AGRN: variants seen among roughly 807,000 people sequenced by gnomAD.
AGRN encodes agrin, also known as agrin proteoglycan.
In AGRN, 106 loss-of-function variants were observed where a neutral mutation model predicts 211.0. The observed-to-expected ratio is 0.50, with a 90% CI of 0.43 to 0.59. The LOEUF (loss-of-function observed/expected upper bound fraction) is 0.59. Ranked by LOEUF, AGRN falls within the 20% of genes least tolerant of loss-of-function variation. The probability of loss-of-function intolerance (pLI) is 0.00; values close to 1 mark genes in which losing one functional copy is unlikely to be tolerated. For missense variants in AGRN, 3,040 were observed against 2,982.6 expected, an observed-to-expected ratio of 1.02 and a Z score of -0.45; for synonymous variants, 1,525 against 1,332.5, an observed-to-expected ratio of 1.14 and a Z score of -3.15.
Position 1,043,449 on chromosome 1 carries a change from G to C in AGRN, c.1595G>C (p.Gly532Ala). Reference protein sequence around the residue: ...LGREIQVARKGPCDRCGQCRF... With the variant: ...LGREIQVARKAPCDRCGQCRF... Reference sequence around the variant, plus strand: ...CGGGAGATCCAGGTGGCGCGCAAAGGACCCTGTGGTCAGTGGCGGGTGAGG... The same window carrying C: ...CGGGAGATCCAGGTGGCGCGCAAAGCACCCTGTGGTCAGTGGCGGGTGAGG... The change falls in exon 8 of 36, where the codon GGA becomes GCA. Residue 532 changes from glycine (G) to alanine (A), a missense_variant. Physicochemically the swap from Gly to Ala is moderately conservative, Grantham distance 60. Coordinates refer to ENST00000379370, the MANE Select transcript of AGRN (RefSeq NM_198576.4). The C allele has an allele frequency of 6.2e-7, 1 of 1,606,728 alleles. No individual in the cohort carries two copies. The highest frequency in any genetic ancestry group is 8.5e-7 in the Non-Finnish European group (1 of 1,179,132).
At position 1,045,957 on chromosome 1, in the gene AGRN, G is replaced by A. The variant is rs1557709524; in HGVS notation, c.2681-7G>A. ...AGCCACAGAGGTTTCCCATGCCCGT[G>A]CCCCAGACGCTTCTGCGCCTGCGAC... On this transcript the variant is annotated splice_polypyrimidine_tract_variant and splice_region_variant and intron_variant, in intron 15 of 35. Coordinates refer to ENST00000379370, the MANE Select transcript of AGRN (RefSeq NM_198576.4). 2 of 1,613,378 alleles carry A rather than the reference G, an allele frequency of 1.2e-6. No individual in the cohort carries two copies. The highest frequency in any genetic ancestry group is 8.5e-7 in the Non-Finnish European group (1 of 1,180,004).
intron 33 of AGRN, 117 bp downstream of exon 33, chr1:1,051,932 C>T: frequency 6.5e-7 from 1 of 1,549,254 alleles, no homozygotes; most frequent in Non-Finnish European, 8.7e-7. Flanking sequence ...CCTCTGTCCT[C>T]CCGCCTCTCT....
At position 1,041,169 on chromosome 1, in the gene AGRN, G is replaced by T. The variant is rs1417556061; in HGVS notation, c.728-4G>T. 7.1e-7 allele frequency: 1 copy of T among 1,401,184 alleles called. No homozygotes were observed. The highest frequency in any genetic ancestry group is 3.2e-5 in the East Asian group (1 of 31,110). 86.8% of individuals were successfully genotyped at this position (1,401,184 alleles called of 1,614,324 possible). On this transcript the variant is annotated splice_region_variant and splice_polypyrimidine_tract_variant and intron_variant, in intron 4 of 35. Transcript: ENST00000379370. ...CCGTCTGACCGGCAAAGCCCCGCCC[G>T]CAGGCTCGCGGGACCCCTGCTCCAA...
At position 1,034,164 on chromosome 1, in the gene AGRN, G is replaced by A. The variant is rs1163555470; in HGVS notation, c.464-1113G>A. 11 of 985,164 alleles carry A rather than the reference G, an allele frequency of 1.1e-5. No individual in the cohort carries two copies. In the South Asian group the frequency reaches 1.9e-4, roughly 17 times the overall value. 61.0% of individuals were successfully genotyped at this position (985,164 alleles called of 1,614,324 possible). ...GGGACGGGGACAGCAGACCCTCGGC[G>A]CCCGGCCCCCGCGCACCTGCCGCGC... is the stretch of plus-strand genomic sequence containing the variant. On this transcript the variant is annotated intron_variant, in intron 2 of 35. Coordinates refer to ENST00000379370, the MANE Select transcript of AGRN (RefSeq NM_198576.4).
At chr1:1,054,768 G>T in intron 35 of AGRN, 56 bp from the exon 36 acceptor site, 1 of 1,536,176 alleles carries the variant, frequency 6.5e-7, no homozygotes, top group South Asian at 1.2e-5. Context: ...GCTCGTTGGG[G>T]TGCCCATCAG....
At position 1,049,046 on chromosome 1, in the gene AGRN, C is replaced by T. The variant is rs201346452; in HGVS notation, c.4285C>T (p.Arg1429Cys). ...DFLALALLDGRVQLRFDTGSG... is the reference protein window; with the variant it reads ...DFLALALLDGCVQLRFDTGSG... ...CCTGGCATTGGCGCTGCTAGATGGC[C>T]GCGTGCAGCTCAGGTGGGCGGGGAG... Residue 1429 changes from arginine to cysteine, a missense_variant, in exon 24 of 36, where the codon CGC becomes TGC. By Grantham distance (180) the Arg-to-Cys change is radical. Around this residue, in one of 3 missense-constraint regions of AGRN, gnomAD observed 1,537 missense variants for 1,505.0 expected, o/e 1.02. Transcript: ENST00000379370. 5.7e-4 allele frequency: 891 copies of T among 1,555,724 alleles called. 6 individuals are homozygous for T. In the African/African-American group the frequency reaches 0.011, roughly 19 times the overall value.
chr1:1,034,187 C>T, intron 2 of AGRN: 2 of 985,432 alleles, frequency 2.0e-6, no homozygotes, highest in Non-Finnish European at 2.4e-6. Flanking sequence ...GCACCTGCCG[C>T]GCGCACCGCC....
At position 1,047,994 on chromosome 1, in the gene AGRN, A is replaced by G. The variant is rs1333251473; in HGVS notation, c.3752-18A>G. The stretch of plus-strand genomic sequence containing the variant: ...GGCCCTGCTCCCAGGAAACCCTAAC[A>G]GCTCCCTGTGCCGGCAGACTGGTTT... On this transcript the variant is annotated intron_variant, in intron 22 of 35. Coordinates refer to ENST00000379370, the MANE Select transcript of AGRN (RefSeq NM_198576.4). 1.9e-6 allele frequency: 3 copies of G among 1,571,710 alleles called. No homozygotes were observed. Among genetic ancestry groups the G allele is most frequent in the Non-Finnish European group, 2.6e-6 (3 of 1,160,058 alleles).
At chr1:1,040,542 G>C (rs1644901982) in intron 3 of AGRN, 123 bp from the exon 4 acceptor site, 5 of 1,183,504 alleles carry the variant, frequency 4.2e-6, no homozygotes, top group Non-Finnish European at 6.0e-6. Flanking sequence ...GTCCGTGGTG[G>C]ACCCCCGATG....
Position 1,046,950 on chromosome 1 carries a change from C to G in AGRN, c.3381C>G (p.Asn1127Lys). ...CCTCGCTGGACGCAGAGGGCTCCAA[C>G]TGCCCCGGTGAGTGGACGGCTGGGC... ...KTPSLDAEGSNCPATKVFQGV... is the reference protein window; with the variant it reads ...KTPSLDAEGSKCPATKVFQGV... The change falls in exon 19 of 36, where the codon AAC (asparagine) becomes AAG (lysine). Residue 1127 changes from asparagine to lysine, a missense_variant. Around this residue, in one of 3 missense-constraint regions of AGRN, gnomAD observed 1,537 missense variants for 1,505.0 expected, o/e 1.02. Transcript: ENST00000379370. 2.5e-6 allele frequency: 4 copies of G among 1,579,326 alleles called. No homozygotes were observed. Among genetic ancestry groups the G allele is most frequent in the Non-Finnish European group, 3.4e-6 (4 of 1,163,512 alleles).
chr1:1,049,242 C>G lies in AGRN; in HGVS notation c.4305C>G (p.Asp1435Glu), dbSNP rs1225701192. Reference sequence around the variant, plus strand: ...CACCTGCTCCTGCCCTCAGGTTTGACACAGGTTCGGGGCCGGCGGTGCTGA... The same window carrying G: ...CACCTGCTCCTGCCCTCAGGTTTGAGACAGGTTCGGGGCCGGCGGTGCTGA... ...LLDGRVQLRF[D>E]TGSGPAVLTS... The change falls in exon 25 of 36, where the codon GAC becomes GAG. Residue 1435 changes from aspartate to glutamate, a missense_variant. Asp to Glu is a conservative substitution (Grantham distance 45, BLOSUM62 2). Transcript: ENST00000379370. 6.3e-7 allele frequency: 1 copy of G among 1,582,734 alleles called. No homozygotes were observed. The highest frequency in any genetic ancestry group is 1.7e-5 in the Admixed American group (1 of 58,702).
In AGRN at chr1:1,050,446, G is replaced by A. The variant is rs17160775; in HGVS notation, c.4996G>A (p.Val1666Ile). The change falls in exon 29 of 36, where the codon GTC (valine) becomes ATC (isoleucine). Residue 1666 changes from valine to isoleucine, a missense_variant. Transcript: ENST00000379370. ...CCCCAGGGAGAAGATGGCGCTGGAGGTCGTGTTCCTGGCACGAGGCCCCAG... is the reference window on the plus strand; with the variant it reads ...CCCCAGGGAGAAGATGGCGCTGGAGATCGTGTTCCTGGCACGAGGCCCCAG... ...RDLGEKMALE[V>I]VFLARGPSGL... 8.2e-3 allele frequency: 13,158 copies of A among 1,612,926 alleles called. 928 individuals are homozygous for A. In the African/African-American group the frequency reaches 0.16, roughly 19 times the overall value.
chr1:1,027,467 C>T lies in AGRN; in HGVS notation c.463+5005C>T, dbSNP rs777049956. 3.6e-4 allele frequency among the ~76,000 whole-genome samples: 55 copies of T among 152,190 alleles called. 1 individual carries two copies. Among genetic ancestry groups the T allele is most frequent in the Admixed American group, 9.8e-4 (15 of 15,286 alleles). On this transcript the variant is annotated intron_variant, in intron 2 of 35. Coordinates refer to ENST00000379370, the MANE Select transcript of AGRN (RefSeq NM_198576.4). ...TGGGCTCTTCCTCTGTCCTCGTGCA[C>T]GTGTCTCGCCTCAGCTTGCTGTTGG... is the stretch of plus-strand genomic sequence containing the variant.
At chr1:1,034,393 C>T (rs115170833) in intron 2 of AGRN, 23,606 of 985,586 alleles carry the variant, frequency 0.024, 338 homozygotes, top group Non-Finnish European at 0.027. Context: ...GAGCCGGGAC[C>T]TGGCACCCCC....
intron 1 of AGRN, among the ~76,000 whole-genome samples, chr1:1,020,704 G>T (rs1644378748): frequency 6.6e-6 from 1 of 152,174 alleles, no homozygotes; most frequent in South Asian, 2.1e-4. Flanking sequence ...GCCCGGGCGG[G>T]GAGCGGGGGC....
In AGRN at chr1:1,043,645, G is replaced by A. The variant is rs777677036; in HGVS notation, c.1711G>A (p.Gly571Arg). 25 of 1,602,072 alleles carry A rather than the reference G, an allele frequency of 1.6e-5. No homozygotes were observed. The highest frequency in any genetic ancestry group is 1.6e-4 in the Middle Eastern group (1 of 6,084). Residue 571 changes from glycine to arginine, a missense_variant, in exon 9 of 36, where the codon GGG (glycine) becomes AGG (arginine). By Grantham distance (125) the Gly-to-Arg change is moderately radical. Coordinates refer to ENST00000379370, the MANE Select transcript of AGRN (RefSeq NM_198576.4). ...ALAQPVCGSD[G>R]HTYPSECMLH... ...GGCCCAGCCCGTGTGTGGCTCCGAC[G>A]GGCACACGTACCCCAGCGAGTGCAT...
chr1:1,053,809 A>G lies in AGRN; in HGVS notation c.5708A>G (p.Gln1903Arg), dbSNP rs772593809. ...CTGAGCCTGCGCACTGAGGCCACGC[A>G]GGGGCTGGTGCTCTGGAGTGGCAAG... ...FELSLRTEAT[Q>R]GLVLWSGKAT... The change falls in exon 34 of 36, where the codon CAG (glutamine) becomes CGG (arginine). Residue 1903 changes from glutamine (Q) to arginine (R), a missense_variant. Physicochemically the swap from Gln to Arg is conservative, Grantham distance 43. Transcript: ENST00000379370. 4.3e-6 allele frequency: 7 copies of G among 1,611,296 alleles called. No homozygotes were observed. The highest frequency in any genetic ancestry group is 1.3e-5 in the African/African-American group (1 of 75,064).
rs1645094148 is a variant in AGRN, at chr1:1,046,388, T to TC, written c.2912-7dup. ...ACCGGTCCCCCCGCCAACCTCCCTC[T>TC]CCTTGCAGAGGCTGTTGCTCCCAGC... On this transcript the variant is annotated splice_polypyrimidine_tract_variant and intron_variant, in intron 17 of 35. Coordinates refer to ENST00000379370, the MANE Select transcript of AGRN (RefSeq NM_198576.4). 1 of 1,608,616 alleles carries TC rather than the reference T, an allele frequency of 6.2e-7. No individual in the cohort carries two copies. The highest frequency in any genetic ancestry group is 1.4e-5 in the African/African-American group (1 of 73,670).
intron 27 of AGRN, 88 bp from the exon 28 acceptor site, chr1:1,050,145 G>A: frequency 9.4e-6 from 15 of 1,594,958 alleles, no homozygotes; most frequent in Non-Finnish European, 1.3e-5. Context: ...GTCTAGTCTG[G>A]GTTTTGAGTT....
Sources: gnomAD v4.1 joint callset for allele counts (sites outside exome capture counted in the v4.1 genomes callset) on GRCh38, gnomAD v4.1.1 for gene constraint, gnomAD v4.1.1 regional missense constraint, MANE v1.5 for transcripts, NCBI Gene and HGNC (gene_info 2026-07-23, HGNC 2026-07-21) for gene names.